The following DPYD variants were observed in gnomAD, a reference collection of about 807,000 sequenced individuals.
The protein encoded by DPYD is dihydropyrimidine dehydrogenase.
A neutral mutation model predicts 116.2 loss-of-function variants in DPYD; 109 were observed. That is an observed-to-expected ratio of 0.94 (90% CI 0.80 to 1.10). The LOEUF is 1.10. Among genes scored for constraint, DPYD ranks in the 50% least tolerant of loss-of-function variants. DPYD has a pLI of 0.00. For synonymous variants in DPYD, 440 were observed against 432.0 expected (o/e 1.02, Z -0.23); for missense variants, 1,302 against 1,254.5 (o/e 1.04, Z -0.57).
chr1:97,756,067 C>T (rs1309423846), intron 3 of DPYD, among the ~76,000 whole-genome samples: 1 of 152,024 alleles, frequency 6.6e-6, no homozygotes, highest in Non-Finnish European at 1.5e-5. Flanking sequence ...ATAGTAGCTG[C>T]TCAATAAATG....
At chr1:97,429,371 A>C (rs1014419908) in intron 14 of DPYD, among the ~76,000 whole-genome samples, 2 of 152,102 alleles carry the variant, frequency 1.3e-5, no homozygotes, top group African/African-American at 4.8e-5. Flanking sequence ...TGTATCTGTA[A>C]ATAAATTTTT....
intron 1 of DPYD, among the ~76,000 whole-genome samples, chr1:97,896,367 C>T (rs975688945): frequency 6.6e-6 from 1 of 151,832 alleles, no homozygotes; most frequent in East Asian, 2.0e-4. Context: ...ATTCAGCTAC[C>T]CACTGAGTCT....
Position 97,801,477 on chromosome 1 carries a change from T to A in DPYD, c.233+26637A>T, listed in dbSNP as rs141230830. ...CTTATATTTTACTGAGAGAGATGCA[T>A]TAAAGATTTTTAAAATGTAAGATAT... On this transcript the variant is annotated intron_variant, in intron 3 of 22. Coordinates refer to ENST00000370192, the MANE Select transcript of DPYD (RefSeq NM_000110.4). Among the ~76,000 whole-genome samples, 723 of 152,048 alleles carry A rather than the reference T, an allele frequency of 4.8e-3. 2 individuals carry two copies. Among genetic ancestry groups the A allele is most frequent in the Middle Eastern group, 0.01 (3 of 294 alleles).
chr1:97,227,398 C>T (rs1231419014), intron 19 of DPYD, among the ~76,000 whole-genome samples: 1 of 147,374 alleles, frequency 6.8e-6, no homozygotes, highest in South Asian at 2.2e-4. Flanking sequence ...AATAATTGCC[C>T]AATAAAATGT....
chr1:97,804,271 G>T (rs879746867), intron 3 of DPYD, among the ~76,000 whole-genome samples: 4 of 151,520 alleles, frequency 2.6e-5, no homozygotes, highest in Non-Finnish European at 4.4e-5. Flanking sequence ...ACTTACTAAG[G>T]ATCAAACTAC....
chr1:97,741,182 G>A (rs1471008641), intron 3 of DPYD, among the ~76,000 whole-genome samples: 2 of 152,152 alleles, frequency 1.3e-5, no homozygotes, highest in Non-Finnish European at 2.9e-5. Context: ...AGCGGGGTTG[G>A]AGGCTCTCTG....
intron 10 of DPYD, among the ~76,000 whole-genome samples, chr1:97,590,702 G>A (rs1353999195): frequency 3.9e-5 from 6 of 152,152 alleles, no homozygotes; most frequent in African/African-American, 9.7e-5. Context: ...TCAACACTTT[G>A]GTAATCAAGT....
intron 12 of DPYD, among the ~76,000 whole-genome samples, chr1:97,527,272 T>C (rs1318904998): frequency 6.6e-6 from 1 of 152,016 alleles, no homozygotes; most frequent in East Asian, 1.9e-4. Context: ...AGAGACAGGG[T>C]TTCACCATGT....
At chr1:97,093,518 C>T (rs1287259551) in intron 21 of DPYD, among the ~76,000 whole-genome samples, 2 of 152,174 alleles carry the variant, frequency 1.3e-5, no homozygotes, top group African/African-American at 4.8e-5. Flanking sequence ...GGTGCAGGCA[C>T]CATGCTAAAA....
intron 14 of DPYD, among the ~76,000 whole-genome samples, chr1:97,424,211 G>A (rs764817662): frequency 2.0e-5 from 3 of 152,054 alleles, no homozygotes; most frequent in Non-Finnish European, 4.4e-5. Context: ...AAGGATATGT[G>A]GAAAGGATAT....
At chr1:97,085,844 T>C (rs1351918858) in intron 21 of DPYD, among the ~76,000 whole-genome samples, 1 of 152,218 alleles carries the variant, frequency 6.6e-6, no homozygotes, top group African/African-American at 2.4e-5. Flanking sequence ...TTCAGCAGTA[T>C]GGTGTAGCCA....
At chr1:97,248,822 G>A (rs897686332) in intron 18 of DPYD, among the ~76,000 whole-genome samples, 1 of 152,004 alleles carries the variant, frequency 6.6e-6, no homozygotes, top group Non-Finnish European at 1.5e-5. Context: ...CTCACAAGAA[G>A]CAATTAGAAA....
intron 20 of DPYD, among the ~76,000 whole-genome samples, chr1:97,161,757 T>C (rs1272392761): frequency 7.9e-6 from 1 of 126,442 alleles, no homozygotes; most frequent in Non-Finnish European, 1.6e-5. Context: ...GAGTGTGATG[T>C]TCCCCTTCCT....
At chr1:97,218,538 T>G (rs186450008) in intron 19 of DPYD, among the ~76,000 whole-genome samples, 3 of 151,006 alleles carry the variant, frequency 2.0e-5, no homozygotes, top group Non-Finnish European at 4.4e-5. Flanking sequence ...TCTTCCTCCC[T>G]TTTCCTCTTT....
intron 13 of DPYD, among the ~76,000 whole-genome samples, chr1:97,484,295 C>T (rs1405379266): frequency 6.6e-6 from 1 of 152,180 alleles, no homozygotes; most frequent in African/African-American, 2.4e-5. Context: ...CAGAGCAAGA[C>T]TCCATCTCAA....
chr1:97,765,805 C>A (rs974042010), intron 3 of DPYD, among the ~76,000 whole-genome samples: 1 of 152,184 alleles, frequency 6.6e-6, no homozygotes, highest in African/African-American at 2.4e-5. Flanking sequence ...ATATGTGGCA[C>A]TGGCTCTAGG....
intron 14 of DPYD, 113 bp downstream of exon 14, chr1:97,449,946 A>T: frequency 7.3e-7 from 1 of 1,377,172 alleles, no homozygotes; most frequent in Non-Finnish European, 1.0e-6. Context: ...CAACTGGCAG[A>T]TTCTTTAATA....
intron 18 of DPYD, among the ~76,000 whole-genome samples, chr1:97,254,031 G>C (rs139650877): frequency 6.6e-6 from 1 of 151,950 alleles, no homozygotes; most frequent in Non-Finnish European, 1.5e-5. Flanking sequence ...CTCTATTAAG[G>C]CTTTTATTAA....
chr1:97,339,403 GA>G (rs888679653), intron 16 of DPYD, among the ~76,000 whole-genome samples: 4 of 151,972 alleles, frequency 2.6e-5, no homozygotes, highest in Admixed American at 6.5e-5. Context: ...CAATGCTAAT[GA>G]AAAAAATTCT....
Sources: gnomAD v4.1 joint callset for allele counts (sites outside exome capture counted in the v4.1 genomes callset) on GRCh38, gnomAD v4.1.1 for gene constraint, MANE v1.5 for transcripts, NCBI Gene and HGNC (gene_info 2026-07-23, HGNC 2026-07-21) for gene names.